ARHGEF10L: variants seen among roughly 807,000 people sequenced by gnomAD.
ARHGEF10L encodes the protein Rho guanine nucleotide exchange factor 10 like.
In ARHGEF10L, 69 loss-of-function variants were observed where a neutral mutation model predicts 141.2. That is an observed-to-expected ratio of 0.49 (90% CI 0.40 to 0.60). The LOEUF is 0.60. ARHGEF10L is among the 20% of genes least tolerant of loss of function. ARHGEF10L has a pLI of 0.00. For synonymous variants in ARHGEF10L, 711 were observed against 718.5 expected, an observed-to-expected ratio of 0.99 and a Z score of 0.17; for missense variants, 1,482 against 1,734.3, an observed-to-expected ratio of 0.85 and a Z score of 2.58.
upstream of ARHGEF10L, among the ~76,000 whole-genome samples, chr1:17,535,808 A>G (rs2100559247): frequency 6.6e-6 from 1 of 152,036 alleles, no homozygotes; most frequent in Non-Finnish European, 1.5e-5. Context: ...AAACCCATCC[A>G]CTCATCTATT....
In ARHGEF10L at chr1:17,603,425, T is replaced by TG. The variant is rs2080880938; in HGVS notation, c.350-82dup. On this transcript the variant is annotated intron_variant, in intron 5 of 28. Transcript: ENST00000361221. This position sits in a 1 kb window ranked among gnomAD's most constrained non-coding sequence, Gnocchi z 4.8. ...GAGGGTGCTGCGTGCCACCAGCTGG[T>TG]GCAGTCCTGATGTCATCTGCAGCAC... The TG allele has an allele frequency of 1.8e-6, 2 of 1,089,348 alleles. No homozygotes were observed. Among genetic ancestry groups the TG allele is most frequent in the South Asian group, 3.1e-5 (2 of 64,592 alleles). The allele number at this position is 1,089,348 out of a possible 1,614,324, so 67.5% of individuals were successfully genotyped here. A position where few individuals can be genotyped will look rare whatever the true frequency, so the allele number is the denominator to read the frequency against.
chr1:17,518,810 A>G, the ARHGEF10L span, among the ~76,000 whole-genome samples: 1 of 115,806 alleles, frequency 8.6e-6, no homozygotes, highest in Non-Finnish European at 1.8e-5. Context: ...CTCAAAAAAA[A>G]AAAAAAAAAA....
chr1:17,534,164 CCA>C, the ARHGEF10L span, among the ~76,000 whole-genome samples: 1 of 150,666 alleles, frequency 6.6e-6, no homozygotes, highest in East Asian at 2.0e-4. Flanking sequence ...ACTTTGTCAC[CCA>C]GGCTGGAGTG....
chr1:17,649,040 C>T (rs188542928), intron 22 of ARHGEF10L, among the ~76,000 whole-genome samples: 20 of 152,342 alleles, frequency 1.3e-4, no homozygotes, highest in African/African-American at 4.3e-4. Context: ...CCGGCTTTGG[C>T]GCAGGGATTG....
chr1:17,516,698 C>T, the ARHGEF10L span, among the ~76,000 whole-genome samples: 2 of 152,110 alleles, frequency 1.3e-5, no homozygotes, highest in Non-Finnish European at 2.9e-5. Context: ...GGAATCAAGG[C>T]TAGGGGGTGG....
At chr1:17,666,449 G>A (rs1475724519) in intron 26 of ARHGEF10L, among the ~76,000 whole-genome samples, 4 of 152,082 alleles carry the variant, frequency 2.6e-5, no homozygotes, top group African/African-American at 9.7e-5. Flanking sequence ...AGGGGCCTGG[G>A]GGCTGATGGT....
chr1:17,692,782 T>C (rs1441589675), intron 27 of ARHGEF10L, among the ~76,000 whole-genome samples: 1 of 152,268 alleles, frequency 6.6e-6, no homozygotes, highest in Admixed American at 6.5e-5. Context: ...GCCCCAGTCC[T>C]GGCCCTGACC....
chr1:17,562,851 G>A (rs954600736), intron 1 of ARHGEF10L, among the ~76,000 whole-genome samples: 2 of 152,186 alleles, frequency 1.3e-5, no homozygotes, highest in African/African-American at 4.8e-5. Flanking sequence ...GAACTAATAG[G>A]AGAGGCAGTG....
chr1:17,597,845 G>A (rs1386512249), intron 4 of ARHGEF10L, among the ~76,000 whole-genome samples: 1 of 152,324 alleles, frequency 6.6e-6, no homozygotes, highest in East Asian at 1.9e-4. Context: ...CTGCCTATGA[G>A]TCGGCTCATC....
chr1:17,664,365 A>C, intron 25 of ARHGEF10L, 82 bp from the exon 26 acceptor site: 1 of 1,461,930 alleles, frequency 6.8e-7, no homozygotes, highest in South Asian at 1.3e-5. Context: ...GGCCCTGCTG[A>C]GCCCCCTGCT....
Position 17,656,140 on chromosome 1 carries a change from C to T in ARHGEF10L, c.2705+38C>T, listed in dbSNP as rs1272683663. 2 of 1,541,962 alleles carry T rather than the reference C, an allele frequency of 1.3e-6. No individual in the cohort carries two copies. Among genetic ancestry groups the T allele is most frequent in the Non-Finnish European group, 1.8e-6 (2 of 1,141,744 alleles). On this transcript the variant is annotated intron_variant, in intron 24 of 28. Coordinates refer to ENST00000361221, the MANE Select transcript of ARHGEF10L (RefSeq NM_018125.4). The surrounding 1 kb of genome is among the most constrained non-coding windows in gnomAD (Gnocchi z 4.9). ...GAAGGAGGGGTGAGAGCAGCCTCTG[C>T]AGGGCTGGGCAGTGGGTGGGGGCTG...
At chr1:17,618,127 G>A (rs2059908228) in intron 9 of ARHGEF10L, among the ~76,000 whole-genome samples, 1 of 152,230 alleles carries the variant, frequency 6.6e-6, no homozygotes, top group Non-Finnish European at 1.5e-5. Flanking sequence ...GATGGAGGGA[G>A]CAGGCCAAGT....
chr1:17,669,697 C>T lies in ARHGEF10L; in HGVS notation c.3009+5102C>T, dbSNP rs540391592. Among the ~76,000 whole-genome samples the T allele has an allele frequency of 3.9e-5, 6 of 152,324 alleles. No individual in the cohort carries two copies. The South Asian group carries it at 1.0e-3, about 26-fold the overall frequency. ...CTCTTGTTTCCATGAGCACGCCTTC[C>T]GGGCCGAGGACTGTGTTGTGTTCAT... On this transcript the variant is annotated intron_variant, in intron 26 of 28. Transcript: ENST00000361221.
chr1:17,659,039 C>T (rs1021318750), intron 25 of ARHGEF10L, among the ~76,000 whole-genome samples: 5 of 151,990 alleles, frequency 3.3e-5, no homozygotes, highest in South Asian at 2.1e-4. Flanking sequence ...GGGCGTGACC[C>T]GGGGGCAGAC....
At chr1:17,528,110 T>A in the ARHGEF10L span, among the ~76,000 whole-genome samples, 2 of 152,152 alleles carry the variant, frequency 1.3e-5, no homozygotes. Flanking sequence ...TCCACCTGCC[T>A]TGGTCTCCCA....
chr1:17,675,923 C>T (rs1377794255), intron 26 of ARHGEF10L, among the ~76,000 whole-genome samples: 1 of 136,040 alleles, frequency 7.4e-6, no homozygotes, highest in Non-Finnish European at 1.5e-5. Flanking sequence ...AGTGTGGGTA[C>T]AGGTTTGTGT....
chr1:17,524,364 TACACACACACACACACACACACACAC>T, the ARHGEF10L span, among the ~76,000 whole-genome samples: 22 of 116,064 alleles, frequency 1.9e-4, no homozygotes, highest in Non-Finnish European at 2.7e-4. Flanking sequence ...ACCCCGTCTC[TACACACACACACACACACACACACAC>T]ACACACACAC....
chr1:17,588,899 T>TG (rs1557758147), intron 4 of ARHGEF10L, among the ~76,000 whole-genome samples: 46 of 30,040 alleles, frequency 1.5e-3, no homozygotes, highest in Non-Finnish European at 1.9e-3. Context: ...TGTGTGTGTG[T>TG]AGTGGGGGAG....
At chr1:17,662,419 C>A (rs931830635) in intron 25 of ARHGEF10L, among the ~76,000 whole-genome samples, 3 of 152,180 alleles carry the variant, frequency 2.0e-5, no homozygotes, top group Admixed American at 6.5e-5. Context: ...AGAGGCGAAG[C>A]CCCCGTCCAA....
Sources: allele counts gnomAD v4.1 joint callset (sites outside exome capture counted in the v4.1 genomes callset), GRCh38; gene constraint gnomAD v4.1.1; non-coding constraint Gnocchi (gnomAD v3.1); transcripts MANE v1.5; gene names NCBI Gene and HGNC (gene_info 2026-07-23, HGNC 2026-07-21).